Variants in FOXP1 observed in about 807,000 individuals in gnomAD.
FOXP1 encodes forkhead box P1.
In FOXP1, 15 loss-of-function variants were observed where a neutral mutation model predicts 98.2. The ratio of observed to expected loss-of-function variants is 0.15; its 90% confidence interval spans 0.10 to 0.24. FOXP1 has a LOEUF of 0.24. Ranked by LOEUF, FOXP1 falls within the 10% of genes least tolerant of loss-of-function variation. The probability of loss-of-function intolerance (pLI) is 1.00; values close to 1 mark genes in which losing one functional copy is unlikely to be tolerated. For synonymous variants in FOXP1, 371 were observed against 314.5 expected (o/e 1.18, Z -1.90); for missense variants, 633 against 848.5 (o/e 0.75, Z 3.15).
At chr3:71,030,170 T>C (rs2046672310) in intron 11 of FOXP1, among the ~76,000 whole-genome samples, 1 of 152,224 alleles carries the variant, frequency 6.6e-6, no homozygotes, top group Non-Finnish European at 1.5e-5. Context: ...CTACCTTTAA[T>C]TCAGCAGATT....
Position 70,987,994 on chromosome 3 carries a change from G to A in FOXP1, c.1146C>T (p.Pro382=), listed in dbSNP as rs372765119. 6.4e-5 allele frequency: 104 copies of A among 1,613,734 alleles called. No individual in the cohort carries two copies. In the South Asian group the frequency reaches 8.2e-4, roughly 13 times the overall value. The change falls in exon 14 of 21, where the codon CCC becomes CCT. Residue 382 remains proline (P), a splice_region_variant and synonymous_variant. Coordinates refer to ENST00000649528, the MANE Select transcript of FOXP1 (RefSeq NM_001349338.3). ...KSTEPKAAPQ[P]LNLVSSVTLS... is the part of the protein sequence containing the mutation. ...CCCCTTGGTGGGGATCAATACTTAC[G>A]GGCTGAGGGGCGGCTTTGGGTTCTG... is the stretch of plus-strand genomic sequence containing the variant.
chr3:71,456,208 C>T (rs2087478773), intron 3 of FOXP1, among the ~76,000 whole-genome samples: 1 of 152,122 alleles, frequency 6.6e-6, no homozygotes, highest in Non-Finnish European at 1.5e-5. Context: ...AAACAAGTCG[C>T]CCTTGCTGTA....
At chr3:71,540,373 G>A (rs2044697232) in intron 2 of FOXP1, among the ~76,000 whole-genome samples, 2 of 152,208 alleles carry the variant, frequency 1.3e-5, no homozygotes, top group South Asian at 2.1e-4. Context: ...GAAGGTGCTA[G>A]AAAAGAAAGA....
intron 9 of FOXP1, among the ~76,000 whole-genome samples, chr3:71,049,812 A>T (rs2049596294): frequency 6.6e-6 from 1 of 152,162 alleles, no homozygotes; most frequent in Admixed American, 6.5e-5. Flanking sequence ...ATTTTAGCAC[A>T]AAAGGACCAC....
chr3:71,224,196 G>A (rs2106654164), intron 5 of FOXP1, among the ~76,000 whole-genome samples: 1 of 152,268 alleles, frequency 6.6e-6, no homozygotes, highest in Non-Finnish European at 1.5e-5. Context: ...TGAATGAGAG[G>A]ACTCTAAAAC....
intron 4 of FOXP1, among the ~76,000 whole-genome samples, chr3:71,328,990 CAAA>C (rs56332143): frequency 4.4e-4 from 26 of 59,072 alleles, no homozygotes; most frequent in Middle Eastern, 0.012. Context: ...AAAAAAAAAA[CAAA>C]AAAAAAAAAA....
At chr3:71,160,038 T>C (rs1306548311) in intron 6 of FOXP1, among the ~76,000 whole-genome samples, 1 of 152,248 alleles carries the variant, frequency 6.6e-6, no homozygotes, top group Non-Finnish European at 1.5e-5. Context: ...AGGCATTTAC[T>C]GCAGAAGGCT....
intron 11 of FOXP1, among the ~76,000 whole-genome samples, chr3:71,020,104 ATT>A (rs2045208982): frequency 6.6e-6 from 1 of 152,216 alleles, no homozygotes; most frequent in Non-Finnish European, 1.5e-5. Context: ...GATAGTATGC[ATT>A]TGAGAAAAGC....
intron 3 of FOXP1, among the ~76,000 whole-genome samples, chr3:71,477,966 T>C (rs1351140099): frequency 6.6e-6 from 1 of 152,202 alleles, no homozygotes; most frequent in African/African-American, 2.4e-5. Flanking sequence ...CATTTTCACT[T>C]TGGATTCATT....
intron 3 of FOXP1, among the ~76,000 whole-genome samples, chr3:71,425,100 T>TTTTTG (rs1204247930): frequency 6.6e-6 from 1 of 151,852 alleles, no homozygotes; most frequent in African/African-American, 2.4e-5. Context: ...TTCCTGTTTT[T>TTTTTG]TTTTGTTTCG....
At chr3:71,130,396 A>G (rs1472693016) in intron 6 of FOXP1, 1 of 1,155,420 alleles carries the variant, frequency 8.7e-7, no homozygotes, top group East Asian at 2.5e-5. Flanking sequence ...AACAAGTTGG[A>G]TCACCTTATT....
intron 5 of FOXP1, among the ~76,000 whole-genome samples, chr3:71,209,124 C>A (rs2064271099): frequency 6.6e-6 from 1 of 152,042 alleles, no homozygotes; most frequent in Admixed American, 6.6e-5. Flanking sequence ...AAAAACAGGC[C>A]CCTTTAAGAA....
At chr3:71,110,765 C>A (rs1304589225) in intron 7 of FOXP1, among the ~76,000 whole-genome samples, 1 of 152,232 alleles carries the variant, frequency 6.6e-6, no homozygotes, top group Non-Finnish European at 1.5e-5. Flanking sequence ...AATAAGCTCA[C>A]AGCTGAAAGG....
chr3:71,169,611 C>T (rs76265377), intron 6 of FOXP1, among the ~76,000 whole-genome samples: 2,881 of 151,618 alleles, frequency 0.019, 93 homozygotes, highest in African/African-American at 0.067. Flanking sequence ...CCTCCCCCAC[C>T]GCCCCCCGCA....
intron 17 of FOXP1, among the ~76,000 whole-genome samples, chr3:70,974,860 T>A (rs572373384): frequency 6.6e-6 from 1 of 152,176 alleles, no homozygotes; most frequent in Non-Finnish European, 1.5e-5. Flanking sequence ...TTTCTGTAGA[T>A]CAGGTTGAGC....
chr3:70,991,229 G>A (rs978016404), intron 13 of FOXP1, among the ~76,000 whole-genome samples: 1 of 152,112 alleles, frequency 6.6e-6, no homozygotes, highest in Non-Finnish European at 1.5e-5. Context: ...GCAAAGGAAA[G>A]ATGAAGCCCA....
intron 20 of FOXP1, 30 bp from the exon 21 acceptor site, chr3:70,959,421 GGTAC>G (rs771978288): frequency 2.5e-6 from 4 of 1,613,526 alleles, no homozygotes; most frequent in African/African-American, 2.7e-5. Flanking sequence ...GTTCAGTGAG[GGTAC>G]TTCCCAGCCC....
chr3:71,274,341 A>G (rs1254713667), intron 5 of FOXP1, among the ~76,000 whole-genome samples: 3 of 152,206 alleles, frequency 2.0e-5, no homozygotes, highest in African/African-American at 4.8e-5. Context: ...GGTCCTTAGA[A>G]GCACATGACC....
chr3:71,235,925 G>A (rs1396176205), intron 5 of FOXP1, among the ~76,000 whole-genome samples: 1 of 152,132 alleles, frequency 6.6e-6, no homozygotes, highest in Non-Finnish European at 1.5e-5. Flanking sequence ...TTCTGTACTA[G>A]GTAAAGAACA....
Sources: gnomAD v4.1 joint callset for allele counts (sites outside exome capture counted in the v4.1 genomes callset) on GRCh38, gnomAD v4.1.1 for gene constraint, MANE v1.5 for transcripts, NCBI Gene and HGNC (gene_info 2026-07-23, HGNC 2026-07-21) for gene names.